HS3ST4: variants seen among roughly 807,000 people sequenced by gnomAD.
The protein encoded by HS3ST4 is heparan sulfate glucosamine 3-O-sulfotransferase 4.
Under a neutral mutation model 29.2 loss-of-function variants are expected in HS3ST4, and 17 were observed. The observed-to-expected ratio is 0.58, with a 90% CI of 0.40 to 0.87. HS3ST4 has a LOEUF of 0.87. Ranked by LOEUF, HS3ST4 falls within the 40% of genes least tolerant of loss-of-function variation. The probability of loss-of-function intolerance (pLI) is 0.00; values close to 1 mark genes in which losing one functional copy is unlikely to be tolerated. For synonymous variants in HS3ST4, 314 were observed against 285.7 expected, an observed-to-expected ratio of 1.10 and a Z score of -1.00; for missense variants, 627 against 634.5, an observed-to-expected ratio of 0.99 and a Z score of 0.13.
chr16:26,052,880 A>G (rs1384469239), intron 1 of HS3ST4, among the ~76,000 whole-genome samples: 1 of 152,190 alleles, frequency 6.6e-6, no homozygotes, highest in Non-Finnish European at 1.5e-5. Flanking sequence ...TCTGGAGATC[A>G]TTCCCGGTTT....
chr16:25,843,297 C>T (rs1231937780), intron 1 of HS3ST4, among the ~76,000 whole-genome samples: 1 of 152,190 alleles, frequency 6.6e-6, no homozygotes, highest in Non-Finnish European at 1.5e-5. Flanking sequence ...CTGGAGCTGT[C>T]ACATGTGGCC....
At chr16:25,735,654 G>A (rs1481272319) in intron 1 of HS3ST4, among the ~76,000 whole-genome samples, 1 of 152,142 alleles carries the variant, frequency 6.6e-6, no homozygotes, top group Non-Finnish European at 1.5e-5. Flanking sequence ...GCCTCCCTAA[G>A]TGCTGGGGAT....
intron 1 of HS3ST4, among the ~76,000 whole-genome samples, chr16:25,787,448 T>G (rs923192631): frequency 6.6e-6 from 1 of 152,248 alleles, no homozygotes; most frequent in Non-Finnish European, 1.5e-5. Flanking sequence ...GGCTTTCTTG[T>G]ATACACTCTT....
At chr16:25,805,701 A>C in intron 1 of HS3ST4, among the ~76,000 whole-genome samples, 1 of 152,146 alleles carries the variant, frequency 6.6e-6, no homozygotes, top group Non-Finnish European at 1.5e-5. Flanking sequence ...CTTTTTAAAA[A>C]TTTTTTATTT....
chr16:25,892,972 A>C (rs1286776816), intron 1 of HS3ST4, among the ~76,000 whole-genome samples: 2 of 152,206 alleles, frequency 1.3e-5, no homozygotes, highest in Non-Finnish European at 2.9e-5. Context: ...TAGTATAATA[A>C]AGAGAATAGA....
intron 1 of HS3ST4, among the ~76,000 whole-genome samples, chr16:25,871,056 G>T (rs1265668987): frequency 1.3e-5 from 2 of 152,180 alleles, no homozygotes; most frequent in Non-Finnish European, 2.9e-5. Context: ...AGAATACATT[G>T]CCCAAGAGTA....
intron 1 of HS3ST4, among the ~76,000 whole-genome samples, chr16:25,994,828 T>C (rs1313608987): frequency 1.3e-5 from 2 of 152,220 alleles, no homozygotes; most frequent in Non-Finnish European, 2.9e-5. Flanking sequence ...GAATTATGCT[T>C]TCTTGCCTGA....
chr16:26,111,125 C>T (rs912865257), intron 1 of HS3ST4, among the ~76,000 whole-genome samples: 2 of 151,934 alleles, frequency 1.3e-5, no homozygotes, highest in African/African-American at 2.4e-5. Flanking sequence ...TGCTGTTGTG[C>T]GATCATGGCT....
At chr16:25,797,717 C>A (rs1350812624) in intron 1 of HS3ST4, among the ~76,000 whole-genome samples, 1 of 152,158 alleles carries the variant, frequency 6.6e-6, no homozygotes, top group African/African-American at 2.4e-5. Flanking sequence ...GGTACTTGCA[C>A]TTTATTGCCA....
chr16:25,778,296 C>G (rs1039432102), intron 1 of HS3ST4, among the ~76,000 whole-genome samples: 1 of 152,186 alleles, frequency 6.6e-6, no homozygotes, highest in Non-Finnish European at 1.5e-5. Context: ...GGCCTTAGCT[C>G]TGGTAGACTG....
intron 1 of HS3ST4, among the ~76,000 whole-genome samples, chr16:25,815,582 C>G (rs531170458): frequency 1.3e-5 from 2 of 152,306 alleles, no homozygotes; most frequent in South Asian, 4.1e-4. Flanking sequence ...CTTGACCCCC[C>G]ACAGTGCTGG....
intron 1 of HS3ST4, among the ~76,000 whole-genome samples, chr16:25,992,263 G>A (rs8046388): frequency 0.061 from 9,318 of 152,230 alleles, 335 homozygotes; most frequent in African/African-American, 0.11. Context: ...GAAGTTATTC[G>A]GAAACTTGGA....
At chr16:25,860,177 G>C (rs1009474674) in intron 1 of HS3ST4, among the ~76,000 whole-genome samples, 47 of 152,124 alleles carry the variant, frequency 3.1e-4, no homozygotes, top group Non-Finnish European at 3.8e-4. Flanking sequence ...CCTGCTATTA[G>C]AATGACCAAA....
intron 1 of HS3ST4, among the ~76,000 whole-genome samples, chr16:25,711,908 C>T (rs1296361468): frequency 6.6e-6 from 1 of 152,184 alleles, no homozygotes; most frequent in Non-Finnish European, 1.5e-5. Flanking sequence ...GGATTATAGG[C>T]ATAAGCCACT....
intron 1 of HS3ST4, among the ~76,000 whole-genome samples, chr16:26,057,817 C>T (rs575756867): frequency 1.3e-5 from 2 of 149,988 alleles, no homozygotes; most frequent in African/African-American, 2.5e-5. Context: ...TTGTGGGGGT[C>T]GTGCAGGTAG....
In HS3ST4 at chr16:25,692,623, C is replaced by G; in HGVS notation, c.206C>G (p.Pro69Arg). 1.5e-6 allele frequency: 2 copies of G among 1,369,038 alleles called. No homozygotes were observed. Among genetic ancestry groups the G allele is most frequent in the Non-Finnish European group, 1.9e-6 (2 of 1,051,240 alleles). The allele number at this position is 1,369,038 out of a possible 1,614,324, so 84.8% of individuals were successfully genotyped here. ...LQFPLALQES[P>R]GAAAEPPPSP... ...TTCCCTCTGGCGCTGCAGGAGTCGC[C>G]GGGCGCCGCCGCCGAGCCCCCGCCG... Residue 69 changes from proline to arginine, a missense_variant, in exon 1 of 2, where the codon CCG (proline) becomes CGG (arginine). Coordinates refer to ENST00000331351, the MANE Select transcript of HS3ST4 (RefSeq NM_006040.3).
At chr16:25,798,601 G>A (rs544948051) in intron 1 of HS3ST4, among the ~76,000 whole-genome samples, 40 of 152,258 alleles carry the variant, frequency 2.6e-4, no homozygotes, top group African/African-American at 9.4e-4. Flanking sequence ...TGGGGTGGTG[G>A]AAAACAGTCC....
intron 1 of HS3ST4, among the ~76,000 whole-genome samples, chr16:25,962,384 A>G (rs1210984303): frequency 6.6e-6 from 1 of 152,194 alleles, no homozygotes; most frequent in Non-Finnish European, 1.5e-5. Context: ...AATCCCATCT[A>G]TGCCATTCAC....
intron 1 of HS3ST4, among the ~76,000 whole-genome samples, chr16:26,097,134 A>G (rs2141794066): frequency 6.6e-6 from 1 of 152,372 alleles, no homozygotes; most frequent in Admixed American, 6.5e-5. Flanking sequence ...GGAAGAATCA[A>G]TACCATGAAA....
Sources: gnomAD v4.1 joint callset for allele counts (sites outside exome capture counted in the v4.1 genomes callset) on GRCh38, gnomAD v4.1.1 for gene constraint, MANE v1.5 for transcripts, NCBI Gene and HGNC (gene_info 2026-07-23, HGNC 2026-07-21) for gene names.